VAC14: variants seen among roughly 807,000 people sequenced by gnomAD.
VAC14 encodes VAC14 component of PIKFYVE complex.
A neutral mutation model predicts 85.3 loss-of-function variants in VAC14; 47 were observed. The ratio of observed to expected loss-of-function variants is 0.55; its 90% CI spans 0.44 to 0.70. The LOEUF (loss-of-function observed/expected upper bound fraction) is 0.70. VAC14 is among the 30% of genes least tolerant of loss of function. The probability of loss-of-function intolerance (pLI) is 0.00; values close to 1 mark genes in which losing one functional copy is unlikely to be tolerated. For synonymous variants in VAC14, 447 were observed against 430.5 expected, an observed-to-expected ratio of 1.04 and a Z score of -0.47; for missense variants, 861 against 1,004.3, an observed-to-expected ratio of 0.86 and a Z score of 1.93.
chr16:70,745,699 C>A (rs1029609088), intron 12 of VAC14, among the ~76,000 whole-genome samples: 5 of 152,312 alleles, frequency 3.3e-5, no homozygotes, highest in Non-Finnish European at 2.9e-5. Context: ...CCTGTCCCCC[C>A]AAAAGGTGTA....
chr16:70,750,867 G>A (rs959451815), intron 12 of VAC14, among the ~76,000 whole-genome samples: 29 of 152,144 alleles, frequency 1.9e-4, no homozygotes, highest in South Asian at 6.2e-4. Flanking sequence ...CCAGGGTGCC[G>A]CGGCAGCTCC....
chr16:70,718,438 C>T (rs916609949), intron 14 of VAC14, among the ~76,000 whole-genome samples: 6 of 151,702 alleles, frequency 4.0e-5, no homozygotes, highest in African/African-American at 1.2e-4. Flanking sequence ...CGGGTGTGGT[C>T]GTGGGCGCCT....
chr16:70,729,499 C>T (rs752851625), intron 14 of VAC14, among the ~76,000 whole-genome samples: 35 of 152,110 alleles, frequency 2.3e-4, no homozygotes, highest in Non-Finnish European at 3.5e-4. Flanking sequence ...ACCTCCTGTA[C>T]GCTCCACTCC....
At chr16:70,789,730 A>G (rs8060947) in intron 1 of VAC14, among the ~76,000 whole-genome samples, 39,435 of 152,170 alleles carry the variant, frequency 0.26, 6,564 homozygotes, top group African/African-American at 0.48. Context: ...TAAATTCTGC[A>G]AAGATCTAGA....
chr16:70,777,766 C>T (rs369174063), intron 9 of VAC14, among the ~76,000 whole-genome samples: 14 of 152,290 alleles, frequency 9.2e-5, no homozygotes, highest in African/African-American at 2.2e-4. Context: ...CCATGAGGAA[C>T]GTGGTGCTGT....
At chr16:70,767,944 G>A (rs2032937786) in intron 10 of VAC14, among the ~76,000 whole-genome samples, 2 of 152,134 alleles carry the variant, frequency 1.3e-5, no homozygotes, top group Admixed American at 1.3e-4. Flanking sequence ...GAGTGCAGTG[G>A]TACAATCATG....
At chr16:70,750,120 A>G (rs2031257893) in intron 12 of VAC14, among the ~76,000 whole-genome samples, 1 of 152,106 alleles carries the variant, frequency 6.6e-6, no homozygotes, top group African/African-American at 2.4e-5. Flanking sequence ...GCCCCTCTCA[A>G]GGCCTGGAGG....
chr16:70,695,726 C>A, intron 16 of VAC14, 103 bp from the exon 17 acceptor site: 1 of 1,124,614 alleles, frequency 8.9e-7, no homozygotes. Context: ...GTGCACAGAG[C>A]CTGGTTGTGG....
chr16:70,738,685 G>T lies in VAC14; in HGVS notation c.1528+5738C>A, dbSNP rs531235500. Among the ~76,000 whole-genome samples, 3 of 152,322 alleles carry T rather than the reference G, an allele frequency of 2.0e-5. No individual in the cohort carries two copies. In the South Asian group the frequency reaches 6.2e-4, roughly 32 times the overall value. On this transcript the variant is annotated intron_variant, in intron 13 of 18. Transcript: ENST00000261776. ...GCCATTCTGGGCAGCAGTGCCGGGG[G>T]CCTCAGGCTCAGGTGATTGGTGCCC...
At chr16:70,781,629 G>T (rs887500510) in intron 8 of VAC14, among the ~76,000 whole-genome samples, 16 of 152,096 alleles carry the variant, frequency 1.1e-4, no homozygotes, top group Non-Finnish European at 1.6e-4. Context: ...GAACTTTGGG[G>T]CCCCAGAGAG....
At chr16:70,743,665 G>A (rs549787567) in intron 13 of VAC14, among the ~76,000 whole-genome samples, 52 of 152,272 alleles carry the variant, frequency 3.4e-4, no homozygotes, top group Admixed American at 5.2e-4. Flanking sequence ...TGAAGTCAGC[G>A]AAACCAAGAA....
At chr16:70,688,868 T>G (rs1597840758) in intron 18 of VAC14, 5 of 985,534 alleles carry the variant, frequency 5.1e-6, no homozygotes, top group Non-Finnish European at 6.0e-6. Flanking sequence ...CCTCCAGCAG[T>G]GTCTCATGAA....
chr16:70,721,319 C>CTGGGGA (rs1296301692), intron 14 of VAC14, among the ~76,000 whole-genome samples: 1 of 151,664 alleles, frequency 6.6e-6, no homozygotes, highest in Admixed American at 6.6e-5. Context: ...GATGAGAGCC[C>CTGGGGA]TGGGGATGGG....
chr16:70,789,323 A>G (rs1323656649), intron 1 of VAC14, among the ~76,000 whole-genome samples: 1 of 152,228 alleles, frequency 6.6e-6, no homozygotes, highest in Non-Finnish European at 1.5e-5. Context: ...AATCAACTGG[A>G]CACGCACACC....
intron 14 of VAC14, among the ~76,000 whole-genome samples, chr16:70,705,026 TC>T (rs1417956363): frequency 6.6e-6 from 1 of 152,222 alleles, no homozygotes; most frequent in African/African-American, 2.4e-5. Flanking sequence ...GGCTGATCCT[TC>T]CCAGGTCCCT....
intron 17 of VAC14, 32 bp from the exon 18 acceptor site, chr16:70,693,003 C>G (rs772223250): frequency 6.3e-7 from 1 of 1,597,594 alleles, no homozygotes. Context: ...GGTCAGGGAC[C>G]TGGCACTGCT....
rs907983402 is a variant in VAC14, at chr16:70,692,057, G to A, written c.2186+764C>T. 3 of 983,608 alleles carry A rather than the reference G, an allele frequency of 3.1e-6. No individual in the cohort carries two copies. In the African/African-American group the frequency reaches 5.3e-5, roughly 17 times the overall value. 60.9% of individuals were successfully genotyped at this position (983,608 alleles called of 1,614,324 possible). A position where few individuals can be genotyped will look rare whatever the true frequency, so the allele number is the denominator to read the frequency against. On this transcript the variant is annotated intron_variant, in intron 18 of 18. Coordinates refer to ENST00000261776, the MANE Select transcript of VAC14 (RefSeq NM_018052.5). ...GCTGGTTTCCATGGCGACCTGACAA[G>A]TGAAATTTTCCATCTCGGATGCCAA...
intron 12 of VAC14, among the ~76,000 whole-genome samples, chr16:70,745,403 G>A (rs768568681): frequency 5.9e-5 from 9 of 152,298 alleles, no homozygotes; most frequent in Non-Finnish European, 1.3e-4. Flanking sequence ...CTGGCAGGGC[G>A]GCAAAGTCCA....
At chr16:70,706,428 C>T (rs1221029950) in intron 14 of VAC14, among the ~76,000 whole-genome samples, 1 of 152,254 alleles carries the variant, frequency 6.6e-6, no homozygotes, top group Non-Finnish European at 1.5e-5. Context: ...AGGCCCCTCC[C>T]TTCTCCCTAT....
Sources: allele counts gnomAD v4.1 joint callset (sites outside exome capture counted in the v4.1 genomes callset), GRCh38; gene constraint gnomAD v4.1.1; transcripts MANE v1.5; gene names NCBI Gene and HGNC (gene_info 2026-07-23, HGNC 2026-07-21).